The following KCNC1 variants were observed in gnomAD, a reference collection of about 807,000 sequenced individuals.
KCNC1 encodes voltage-gated potassium channel KCNC1.
KCNC1 carries 8 observed loss-of-function variants against 43.4 expected under a neutral mutation model. The observed-to-expected ratio is 0.18, with a 90% confidence interval of 0.11 to 0.33. KCNC1 has a LOEUF of 0.33. Ranked by LOEUF, KCNC1 falls within the 10% of genes least tolerant of loss-of-function variation. The probability of loss-of-function intolerance (pLI) is 1.00; values close to 1 mark genes in which losing one functional copy is unlikely to be tolerated. For missense variants in KCNC1, 420 were observed against 836.0 expected (o/e 0.50, Z 6.14); for synonymous variants, 361 against 360.5 (o/e 1.00, Z -0.01).
intron 1 of KCNC1, among the ~76,000 whole-genome samples, chr11:17,747,947 A>C (rs1848919900): frequency 6.6e-6 from 1 of 152,022 alleles, no homozygotes; most frequent in Non-Finnish European, 1.5e-5. Flanking sequence ...TTGCACATAA[A>C]CACAGTCCAT....
intron 2 of KCNC1, chr11:17,775,015 C>T (rs570375557): frequency 1.0e-6 from 1 of 985,336 alleles, no homozygotes; most frequent in Non-Finnish European, 1.2e-6. Context: ...TCCCATTCAC[C>T]TTTTTTCCTG....
chr11:17,756,647 C>T (rs1281997666), intron 1 of KCNC1, among the ~76,000 whole-genome samples: 1 of 152,130 alleles, frequency 6.6e-6, no homozygotes, highest in African/African-American at 2.4e-5. Context: ...TCCAAGTGGA[C>T]TCCATTCCTA....
At position 17,772,561 on chromosome 11, in the gene KCNC1, G is replaced by T; in HGVS notation, c.1467G>T (p.Pro489=). The T allele has an allele frequency of 1.9e-6, 3 of 1,613,430 alleles. No individual in the cohort carries two copies. Among genetic ancestry groups the T allele is most frequent in the Non-Finnish European group, 1.7e-6 (2 of 1,179,500 alleles). The change falls in exon 2 of 4, where the codon CCG becomes CCT. Residue 489 remains proline (P), a synonymous_variant. Coordinates refer to ENST00000265969, the MANE Select transcript of KCNC1 (RefSeq NM_001112741.2). The part of the protein sequence containing the change: ...PHHSTQSDTC[P]LAQEEILEIN... ...ACAGTACTCAGAGTGACACATGTCC[G>T]CTGGCCCAGGAAGAAATTTTAGAAA...
chr11:17,757,533 TG>T (rs1849035650), intron 1 of KCNC1, among the ~76,000 whole-genome samples: 2 of 152,204 alleles, frequency 1.3e-5, no homozygotes, highest in Admixed American at 1.3e-4. Flanking sequence ...TTCCCATCAC[TG>T]GTGGTGACCA....
intron 1 of KCNC1, among the ~76,000 whole-genome samples, chr11:17,746,336 C>T (rs371564594): frequency 2.0e-5 from 3 of 152,328 alleles, no homozygotes; most frequent in African/African-American, 4.8e-5. Flanking sequence ...TTCTTCTCTG[C>T]GCTGCATCAG....
rs1349390381 is a variant in KCNC1 at position 17,775,397 on chromosome 11, TCTC to T, written c.1504+2805_1504+2807del. ...TGTGTCTGTCCCAGGGACAATCTGG[TCTC>T]CTCCTGTGTGCTGTGGCTGGCATGG... is the stretch of plus-strand genomic sequence containing the variant. On this transcript the variant is annotated intron_variant, in intron 2 of 3. Transcript: ENST00000265969. 174 of 985,378 alleles carry T rather than the reference TCTC, an allele frequency of 1.8e-4. 1 individual carries two copies. Among genetic ancestry groups the T allele is most frequent in the Non-Finnish European group, 2.5e-5 (21 of 830,040 alleles). 61.0% of individuals were successfully genotyped at this position (985,378 alleles called of 1,614,324 possible).
chr11:17,773,478 G>A lies in KCNC1; in HGVS notation c.1504+880G>A, dbSNP rs1355756602. The stretch of plus-strand genomic sequence containing the variant: ...CAGCCTCCCACCGAGGGTTCTCCCC[G>A]TTTCCAGCGGTAGGGACTGCAGCAG... On this transcript the variant is annotated intron_variant, in intron 2 of 3. Transcript: ENST00000265969. The surrounding 1 kb of genome is among the most constrained non-coding windows in gnomAD (Gnocchi z 4.1). The A allele has an allele frequency of 1.1e-5, 11 of 984,172 alleles. No individual in the cohort carries two copies. The highest frequency in any genetic ancestry group is 1.8e-5 in the African/African-American group (1 of 56,806). 61.0% of individuals were successfully genotyped at this position (984,172 alleles called of 1,614,324 possible).
Position 17,771,810 on chromosome 11 carries a change from C to G in KCNC1, c.716C>G (p.Ala239Gly). 1 of 1,614,234 alleles carries G rather than the reference C, an allele frequency of 6.2e-7. No homozygotes were observed. Among genetic ancestry groups the G allele is most frequent in the South Asian group, 1.1e-5 (1 of 91,088 alleles). Residue 239 changes from alanine (A) to glycine (G), a missense_variant, in exon 2 of 4, where the codon GCC (alanine) becomes GGC (glycine). Coordinates refer to ENST00000265969, the MANE Select transcript of KCNC1 (RefSeq NM_001112741.2). This position sits in a 1 kb window ranked among gnomAD's most constrained non-coding sequence, Gnocchi z 4.7. ...NGTQVRYYRE[A>G]ETEAFLTYIE... ...ACGCAAGTGCGCTACTACCGGGAGG[C>G]CGAGACGGAGGCCTTCCTTACCTAC...
rs1849296178 is a variant in KCNC1, at chr11:17,777,080, CCCCTGCCCAAAA to C, written c.1505-2373_1505-2362del. 1 of 984,958 alleles carries C rather than the reference CCCCTGCCCAAAA, an allele frequency of 1.0e-6. No homozygotes were observed. Among genetic ancestry groups the C allele is most frequent in the Non-Finnish European group, 1.2e-6 (1 of 829,834 alleles). The allele number at this position is 984,958 out of a possible 1,614,324, so 61.0% of individuals were successfully genotyped here. On this transcript the variant is annotated intron_variant, in intron 2 of 3. Transcript: ENST00000265969. The surrounding 1 kb of genome is among the most constrained non-coding windows in gnomAD (Gnocchi z 4.3). ...GGGATCCCTGATGGATGTTCCTTGT[CCCCTGCCCAAAA>C]CCATCCCGAACTTTGGGCCCTTTAG...
At position 17,777,615 on chromosome 11, in the gene KCNC1, C is replaced by A; in HGVS notation, c.1505-1841C>A. The A allele has an allele frequency of 3.0e-6, 3 of 985,850 alleles. No individual in the cohort carries two copies. Among genetic ancestry groups the A allele is most frequent in the Non-Finnish European group, 3.6e-6 (3 of 829,932 alleles). The allele number at this position is 985,850 out of a possible 1,614,324, so 61.1% of individuals were successfully genotyped here. A position where few individuals can be genotyped will look rare whatever the true frequency, so the allele number is the denominator to read the frequency against. ...CCCCAAGACCCCAGAGACGCCCCGG[C>A]CCCAGTCACATGGTGTCAGAGTTAC... On this transcript the variant is annotated intron_variant, in intron 2 of 3. Transcript: ENST00000265969. The surrounding 1 kb of genome is among the most constrained non-coding windows in gnomAD (Gnocchi z 4.3).
rs1239265562 is a variant in KCNC1, at chr11:17,777,866, G to A, written c.1505-1590G>A. 1.9e-5 allele frequency: 19 copies of A among 986,088 alleles called. No individual in the cohort carries two copies. Among genetic ancestry groups the A allele is most frequent in the Admixed American group, 1.2e-4 (2 of 16,270 alleles). 61.1% of individuals were successfully genotyped at this position (986,088 alleles called of 1,614,324 possible). ...CTTTGTAGTGACATGATGTGTACACGGGCGGTAATCCCACCCACGTGCACG... is the reference window on the plus strand; with the variant it reads ...CTTTGTAGTGACATGATGTGTACACAGGCGGTAATCCCACCCACGTGCACG... On this transcript the variant is annotated intron_variant, in intron 2 of 3. Transcript: ENST00000265969. The surrounding 1 kb of genome is among the most constrained non-coding windows in gnomAD (Gnocchi z 4.3).
At chr11:17,738,101 G>A (rs948175362) in intron 1 of KCNC1, among the ~76,000 whole-genome samples, 1 of 152,126 alleles carries the variant, frequency 6.6e-6, no homozygotes, top group African/African-American at 2.4e-5. Context: ...CCAGGCCCAT[G>A]TTTTGCCACT....
chr11:17,744,213 AC>A, intron 1 of KCNC1, among the ~76,000 whole-genome samples: 1 of 152,072 alleles, frequency 6.6e-6, no homozygotes, highest in Non-Finnish European at 1.5e-5. Context: ...GCTCTTCCCA[AC>A]TCTGACATTC....
Position 17,777,513 on chromosome 11 carries a change from G to A in KCNC1, c.1505-1943G>A, listed in dbSNP as rs1849299862. 1.0e-6 allele frequency: 1 copy of A among 985,882 alleles called. No individual in the cohort carries two copies. Among genetic ancestry groups the A allele is most frequent in the Admixed American group, 6.1e-5 (1 of 16,270 alleles). 61.1% of individuals were successfully genotyped at this position (985,882 alleles called of 1,614,324 possible). On this transcript the variant is annotated intron_variant, in intron 2 of 3. Transcript: ENST00000265969. The surrounding 1 kb of genome is among the most constrained non-coding windows in gnomAD (Gnocchi z 4.3). ...CTCCTCCCTCAGCCCGGAGACCCTT[G>A]GATGGAAGACTGGGCCAGCCAGAGT...
intron 1 of KCNC1, among the ~76,000 whole-genome samples, chr11:17,760,353 G>A (rs1475251201): frequency 1.3e-5 from 2 of 152,182 alleles, no homozygotes; most frequent in Non-Finnish European, 1.5e-5. Context: ...AAACACAAGA[G>A]GAATTTCCCA....
Position 17,776,112 on chromosome 11 carries a change from TG to T in KCNC1, c.1505-3339del, listed in dbSNP as rs1337448296. 2 of 985,362 alleles carry T rather than the reference TG, an allele frequency of 2.0e-6. No homozygotes were observed. The highest frequency in any genetic ancestry group is 2.4e-6 in the Non-Finnish European group (2 of 829,950). 61.0% of individuals were successfully genotyped at this position (985,362 alleles called of 1,614,324 possible). A position where few individuals can be genotyped will look rare whatever the true frequency, so the allele number is the denominator to read the frequency against. On this transcript the variant is annotated intron_variant, in intron 2 of 3. Coordinates refer to ENST00000265969, the MANE Select transcript of KCNC1 (RefSeq NM_001112741.2). The surrounding 1 kb of genome is among the most constrained non-coding windows in gnomAD (Gnocchi z 4.4). ...GTCTTTGTTGTCCTCAGGTGGGCTG[TG>T]GGGGAAGTAGCGGAGAAATGAAGTG...
At chr11:17,767,891 C>A (rs1477235133) in intron 1 of KCNC1, among the ~76,000 whole-genome samples, 1 of 152,342 alleles carries the variant, frequency 6.6e-6, no homozygotes, top group Middle Eastern at 3.4e-3. Context: ...AGGAAAGAAT[C>A]TAGACAGGCA....
rs1341643093 is a variant in KCNC1, at chr11:17,776,652, G to A, written c.1505-2804G>A. The stretch of plus-strand genomic sequence containing the variant: ...CTGTGGGTCTAGTGGGGGCCTGGGG[G>A]CCCTGGGCTGGGGGAGGCAGGGCCC... On this transcript the variant is annotated intron_variant, in intron 2 of 3. Coordinates refer to ENST00000265969, the MANE Select transcript of KCNC1 (RefSeq NM_001112741.2). The surrounding 1 kb of genome is among the most constrained non-coding windows in gnomAD (Gnocchi z 4.4). 9.1e-6 allele frequency: 9 copies of A among 985,234 alleles called. No individual in the cohort carries two copies. The highest frequency in any genetic ancestry group is 1.1e-5 in the Non-Finnish European group (9 of 829,938). 61.0% of individuals were successfully genotyped at this position (985,234 alleles called of 1,614,324 possible).
intron 2 of KCNC1, chr11:17,774,527 C>G (rs967984315): frequency 1.1e-4 from 112 of 985,510 alleles, no homozygotes; most frequent in Admixed American, 1.8e-4. Context: ...CCCTGCCCCC[C>G]AGGGAGTGCA....
Sources: gnomAD v4.1 joint callset for allele counts (sites outside exome capture counted in the v4.1 genomes callset) on GRCh38, gnomAD v4.1.1 for gene constraint, Gnocchi (gnomAD v3.1) non-coding constraint, MANE v1.5 for transcripts, NCBI Gene and HGNC (gene_info 2026-07-23, HGNC 2026-07-21) for gene names.